Variants in PLEKHA6 observed in about 807,000 individuals in gnomAD.
The protein encoded by PLEKHA6 is pleckstrin homology domain-containing family A member 6.
In PLEKHA6, 60 loss-of-function variants were observed where a neutral mutation model predicts 116.7. The ratio of observed to expected loss-of-function variants is 0.51; its 90% confidence interval spans 0.42 to 0.64. The LOEUF (loss-of-function observed/expected upper bound fraction) is 0.64, where lower values mean the gene tolerates loss of function less well. Among genes scored for constraint, PLEKHA6 ranks in the 30% least tolerant of loss-of-function variants. The pLI, the probability that PLEKHA6 is intolerant of heterozygous loss-of-function variation, is 0.00. For missense variants in PLEKHA6, 1,338 were observed against 1,422.7 expected, an observed-to-expected ratio of 0.94 and a Z score of 0.96; for synonymous variants, 489 against 556.1, an observed-to-expected ratio of 0.88 and a Z score of 1.70.
At position 204,238,692 on chromosome 1, in the gene PLEKHA6, G is replaced by T. The variant is rs1662397128; in HGVS notation, c.2409+2683C>A. On this transcript the variant is annotated intron_variant, in intron 17 of 22. Coordinates refer to ENST00000272203, the MANE Select transcript of PLEKHA6 (RefSeq NM_014935.5). This position sits in a 1 kb window ranked among gnomAD's most constrained non-coding sequence, Gnocchi z 4.2. ...TTCTCTCCCCTACCCTGCACTGATG[G>T]ACTCATGGGGAGTTCCCTATGATCA... Among the ~76,000 whole-genome samples, 1 of 152,186 alleles carries T rather than the reference G, an allele frequency of 6.6e-6. No individual in the cohort carries two copies. The highest frequency in any genetic ancestry group is 1.5e-5 in the Non-Finnish European group (1 of 68,036).
intron 3 of PLEKHA6, among the ~76,000 whole-genome samples, chr1:204,366,857 A>T (rs1039254319): frequency 2.6e-5 from 4 of 152,238 alleles, no homozygotes; most frequent in Non-Finnish European, 1.5e-5. Context: ...GGGATTGGAA[A>T]CGTAACCCCT....
At chr1:204,353,553 A>G (rs577578810) in intron 1 of PLEKHA6, among the ~76,000 whole-genome samples, 1 of 152,360 alleles carries the variant, frequency 6.6e-6, no homozygotes, top group Admixed American at 6.5e-5. Flanking sequence ...AGCAGTGGCC[A>G]GGGCCACCGG....
intron 1 of PLEKHA6, among the ~76,000 whole-genome samples, chr1:204,329,324 T>A (rs951380395): frequency 6.6e-6 from 1 of 152,138 alleles, no homozygotes; most frequent in Admixed American, 6.5e-5. Flanking sequence ...GTCTTACCAG[T>A]CCACAGGGAA....
At chr1:204,355,117 A>C (rs1673379020) in intron 1 of PLEKHA6, among the ~76,000 whole-genome samples, 1 of 152,262 alleles carries the variant, frequency 6.6e-6, no homozygotes, top group South Asian at 2.1e-4. Context: ...AGGGGCACTT[A>C]GTCTTGAACA....
chr1:204,250,605 A>G lies in PLEKHA6; in HGVS notation c.1534T>C (p.Tyr512His). 2.5e-6 allele frequency: 4 copies of G among 1,612,028 alleles called. No individual in the cohort carries two copies. Among genetic ancestry groups the G allele is most frequent in the Non-Finnish European group, 3.4e-6 (4 of 1,178,690 alleles). Residue 512 changes from tyrosine to histidine, a missense_variant, in exon 10 of 23, where the codon TAC (tyrosine) becomes CAC (histidine). By Grantham distance (83) the Tyr-to-His change is moderately conservative. This residue lies in a region of PLEKHA6 where 1,136 missense variants were observed against 1,163.6 expected (regional missense o/e 0.98). Transcript: ENST00000272203. ...RSISSPKVPP[Y>H]PEVFRDSLHT... ...AGGCTGTCCCGGAACACTTCTGGGT[A>G]TGGAGGGACCTGCAGGAACATGAGG...
intron 1 of PLEKHA6, among the ~76,000 whole-genome samples, chr1:204,359,059 A>T (rs1003082895): frequency 6.6e-6 from 1 of 151,988 alleles, no homozygotes; most frequent in Middle Eastern, 3.4e-3. Flanking sequence ...TCCCATCATT[A>T]TAAATGCCAT....
intron 12 of PLEKHA6, among the ~76,000 whole-genome samples, chr1:204,247,763 C>T (rs1663934423): frequency 6.6e-6 from 1 of 152,096 alleles, no homozygotes. Context: ...GAGGGCATAG[C>T]CTGGGGAAAA....
chr1:204,225,373 T>C (rs12066474), intron 21 of PLEKHA6, among the ~76,000 whole-genome samples: 3,783 of 152,276 alleles, frequency 0.025, 136 homozygotes, highest in African/African-American at 0.085. Context: ...TCCATCAAAA[T>C]AGTTAAGATT....
At chr1:204,376,910 A>G (rs1206202282) in intron 1 of PLEKHA6, among the ~76,000 whole-genome samples, 1 of 152,260 alleles carries the variant, frequency 6.6e-6, no homozygotes, top group Non-Finnish European at 1.5e-5. Flanking sequence ...AAAGACAGCC[A>G]GCAGGGCCAC....
In PLEKHA6 at chr1:204,269,363, T is replaced by C. The variant is rs1465160313; in HGVS notation, c.103-1051A>G. Among the ~76,000 whole-genome samples the C allele has an allele frequency of 5.4e-5, 8 of 147,914 alleles. 1 individual carries two copies. The highest frequency in any genetic ancestry group is 1.0e-4 in the Non-Finnish European group (7 of 67,084). Reference sequence around the variant, plus strand: ...TCTATTGTCTTCCTACCTCACCTTCTCTAAAACTCAATACGGCACTCCAAA... The same window carrying C: ...TCTATTGTCTTCCTACCTCACCTTCCCTAAAACTCAATACGGCACTCCAAA... On this transcript the variant is annotated intron_variant, in intron 3 of 22. Transcript: ENST00000272203.
rs1427479906 is a variant in PLEKHA6 at position 204,223,599 on chromosome 1, T to C, written c.3032-14A>G. On this transcript the variant is annotated splice_polypyrimidine_tract_variant and intron_variant, in intron 21 of 22. Transcript: ENST00000272203. The surrounding 1 kb of genome is among the most constrained non-coding windows in gnomAD (Gnocchi z 4.8). ...TGGCACATTGCACTGGAAACAGAAA[T>C]GAACAGGGAGGTGAATGGGGGTGGG... 1.6e-5 allele frequency: 6 copies of C among 378,220 alleles called. No individual in the cohort carries two copies. The highest frequency in any genetic ancestry group is 3.8e-5 in the South Asian group (1 of 26,456). The allele number at this position is 378,220 out of a possible 1,614,324, so 23.4% of individuals were successfully genotyped here.
At chr1:204,255,716 CACAA>C (rs1325928927) in intron 9 of PLEKHA6, 1 of 701,236 alleles carries the variant, frequency 1.4e-6, no homozygotes, top group African/African-American at 1.8e-5. Flanking sequence ...CAAACAGCAA[CACAA>C]ACAAACAGGA....
intron 1 of PLEKHA6, among the ~76,000 whole-genome samples, chr1:204,294,493 C>G (rs968827178): frequency 6.6e-6 from 1 of 152,222 alleles, no homozygotes; most frequent in African/African-American, 2.4e-5. Flanking sequence ...AGTGAGAGAA[C>G]TGGGATTAGA....
rs1020704805 is a variant in PLEKHA6 at position 204,358,332 on chromosome 1, G to A, written c.-95+1362C>T. Among the ~76,000 whole-genome samples the A allele has an allele frequency of 3.3e-5, 5 of 152,148 alleles. No individual in the cohort carries two copies. In the South Asian group the frequency reaches 6.2e-4, roughly 19 times the overall value. ...CCTGGAGACAGGCCAGAGCCTAGCCGCTCCCACCTCCCCTCCACCAGCAGG... is the reference window on the plus strand; with the variant it reads ...CCTGGAGACAGGCCAGAGCCTAGCCACTCCCACCTCCCCTCCACCAGCAGG... On this transcript the variant is annotated intron_variant, in intron 1 of 22. Transcript: ENST00000272203.
chr1:204,224,930 T>C (rs549781761), intron 21 of PLEKHA6, among the ~76,000 whole-genome samples: 2 of 152,358 alleles, frequency 1.3e-5, no homozygotes, highest in East Asian at 1.9e-4. Flanking sequence ...ATAGAGGTTA[T>C]AGCCCACAGG....
Position 204,228,064 on chromosome 1 carries a change from G to A in PLEKHA6, c.3031+19C>T, listed in dbSNP as rs369031003. The A allele has an allele frequency of 1.7e-5, 27 of 1,608,214 alleles. No individual in the cohort carries two copies. Among genetic ancestry groups the A allele is most frequent in the Admixed American group, 5.0e-5 (3 of 59,622 alleles). The stretch of plus-strand genomic sequence containing the variant: ...GCTGGTTTCCCTGGCAGGGTGGAGC[G>A]AGGCCCAGCCCCTCTCACCAGACAG... On this transcript the variant is annotated intron_variant, in intron 21 of 22. Coordinates refer to ENST00000272203, the MANE Select transcript of PLEKHA6 (RefSeq NM_014935.5). This position sits in a 1 kb window ranked among gnomAD's most constrained non-coding sequence, Gnocchi z 4.0.
At chr1:204,339,907 C>G (rs1019641244) in intron 1 of PLEKHA6, among the ~76,000 whole-genome samples, 1 of 152,172 alleles carries the variant, frequency 6.6e-6, no homozygotes, top group Non-Finnish European at 1.5e-5. Context: ...CACAGGATTA[C>G]AACTATATAA....
intron 1 of PLEKHA6, among the ~76,000 whole-genome samples, chr1:204,335,600 A>G (rs919159587): frequency 2.0e-5 from 3 of 152,090 alleles, no homozygotes; most frequent in Non-Finnish European, 2.9e-5. Context: ...AACACCATGC[A>G]GCCCCCAGCT....
At chr1:204,306,217 T>A (rs1671288424) in intron 1 of PLEKHA6, among the ~76,000 whole-genome samples, 1 of 152,094 alleles carries the variant, frequency 6.6e-6, no homozygotes. Flanking sequence ...CCACCCACCA[T>A]TCCTGCGAGA....
Sources: gnomAD v4.1 joint callset for allele counts (sites outside exome capture counted in the v4.1 genomes callset) on GRCh38, gnomAD v4.1.1 for gene constraint, gnomAD v4.1.1 regional missense constraint, Gnocchi (gnomAD v3.1) non-coding constraint, MANE v1.5 for transcripts, NCBI Gene and HGNC (gene_info 2026-07-23, HGNC 2026-07-21) for gene names.